The following PHACTR1 variants were observed in gnomAD, a reference collection of about 807,000 sequenced individuals.
PHACTR1 encodes RPEL repeat containing 1.
A neutral mutation model predicts 69.2 loss-of-function variants in PHACTR1; 16 were observed. That is an observed-to-expected ratio of 0.23 (90% CI 0.16 to 0.35). The LOEUF is 0.35. Ranked by LOEUF, PHACTR1 falls within the 10% of genes least tolerant of loss-of-function variation. The probability of loss-of-function intolerance (pLI) is 1.00; values close to 1 mark genes in which losing one functional copy is unlikely to be tolerated. For synonymous variants in PHACTR1, 312 were observed against 284.5 expected (o/e 1.10, Z -0.97); for missense variants, 510 against 734.7 (o/e 0.69, Z 3.54).
intron 5 of PHACTR1, among the ~76,000 whole-genome samples, chr6:13,055,980 A>G (rs1806722994): frequency 6.6e-6 from 1 of 152,220 alleles, no homozygotes; most frequent in Non-Finnish European, 1.5e-5. Flanking sequence ...TGAATGTGAT[A>G]TTTGTATGCA....
chr6:13,047,802 G>C (rs1182818364), intron 4 of PHACTR1, among the ~76,000 whole-genome samples: 6 of 151,928 alleles, frequency 3.9e-5, no homozygotes, highest in East Asian at 3.9e-4. Context: ...CCAGCAGAAA[G>C]CCAAGGTGAT....
intron 7 of PHACTR1, among the ~76,000 whole-genome samples, chr6:13,197,000 A>C (rs975627075): frequency 2.6e-5 from 4 of 152,138 alleles, no homozygotes; most frequent in Admixed American, 2.6e-4. Flanking sequence ...AAGCATCAGG[A>C]TAGGTGGATT....
At position 13,179,468 on chromosome 6, in the gene PHACTR1, T is replaced by C. The variant is rs1394060772; in HGVS notation, c.497-3051T>C. On this transcript the variant is annotated intron_variant, in intron 6 of 14. Coordinates refer to ENST00000332995, the MANE Select transcript of PHACTR1 (RefSeq NM_030948.6). The surrounding 1 kb of genome is among the most constrained non-coding windows in gnomAD (Gnocchi z 4.2). ...TGTTTAAAAATGTCATAATAAAAAA[T>C]TTAAAATATTACTTAAAAGTGGCAG... Among the ~76,000 whole-genome samples the C allele has an allele frequency of 6.7e-6, 1 of 149,494 alleles. No homozygotes were observed. Among genetic ancestry groups the C allele is most frequent in the Non-Finnish European group, 1.5e-5 (1 of 67,422 alleles).
chr6:13,162,032 T>C (rs1759092744), intron 6 of PHACTR1, among the ~76,000 whole-genome samples: 1 of 152,168 alleles, frequency 6.6e-6, no homozygotes, highest in Non-Finnish European at 1.5e-5. Context: ...AAAGAATCCA[T>C]ACTTTTCTTG....
intron 5 of PHACTR1, among the ~76,000 whole-genome samples, chr6:13,106,461 T>C (rs1002507970): frequency 6.6e-6 from 1 of 152,140 alleles, no homozygotes; most frequent in Non-Finnish European, 1.5e-5. Context: ...TATTTGCAGG[T>C]GCCCTTTGTT....
At chr6:12,740,095 T>C in intron 3 of PHACTR1, among the ~76,000 whole-genome samples, 1 of 152,238 alleles carries the variant, frequency 6.6e-6, no homozygotes, top group East Asian at 1.9e-4. Context: ...TATGTAGTCT[T>C]TCAGGGCTGG....
chr6:13,045,814 C>T (rs1583110923), intron 4 of PHACTR1, among the ~76,000 whole-genome samples: 1 of 152,210 alleles, frequency 6.6e-6, no homozygotes, highest in South Asian at 2.1e-4. Context: ...TGAAAGCATC[C>T]CTAGGAACTT....
Position 12,889,742 on chromosome 6 carries a change from T to TTTC in PHACTR1, c.250+139971_250+139973dup, listed in dbSNP as rs766006556. Among the ~76,000 whole-genome samples, 302 of 145,242 alleles carry TTTC rather than the reference T, an allele frequency of 2.1e-3. 1 individual carries two copies. Among genetic ancestry groups the TTTC allele is most frequent in the African/African-American group, 6.6e-3 (263 of 39,638 alleles). ...GGTTCAATTTTCTTCTTCTTTCTTCTTTCTTCTTCTTCTTCTTCTTCCTCT... is the reference window on the plus strand; with the variant it reads ...GGTTCAATTTTCTTCTTCTTTCTTCTTTCTTCTTCTTCTTCTTCTTCTTCCTCT... On this transcript the variant is annotated intron_variant, in intron 4 of 14. Transcript: ENST00000332995.
intron 4 of PHACTR1, among the ~76,000 whole-genome samples, chr6:12,846,244 T>G (rs1023193255): frequency 6.6e-6 from 1 of 152,188 alleles, no homozygotes; most frequent in African/African-American, 2.4e-5. Context: ...CGTTTGTCAA[T>G]AGTTATCAAT....
intron 4 of PHACTR1, among the ~76,000 whole-genome samples, chr6:12,809,499 A>G (rs1178342610): frequency 1.3e-5 from 2 of 152,202 alleles, no homozygotes; most frequent in African/African-American, 4.8e-5. Context: ...GAGAGATGAA[A>G]CCTATTTATC....
At chr6:13,165,474 C>T (rs1006897843) in intron 6 of PHACTR1, among the ~76,000 whole-genome samples, 10 of 152,148 alleles carry the variant, frequency 6.6e-5, no homozygotes, top group Non-Finnish European at 1.2e-4. Flanking sequence ...GGAGTTGCCT[C>T]GGTATGGAGC....
intron 4 of PHACTR1, among the ~76,000 whole-genome samples, chr6:12,903,329 G>A (rs1399653579): frequency 5.9e-5 from 9 of 152,218 alleles, no homozygotes; most frequent in Admixed American, 5.2e-4. Context: ...TCAAGTAGGA[G>A]CCAAGAAGTG....
intron 4 of PHACTR1, among the ~76,000 whole-genome samples, chr6:13,012,046 C>T (rs535357320): frequency 6.6e-6 from 1 of 152,308 alleles, no homozygotes; most frequent in South Asian, 2.1e-4. Flanking sequence ...CTGAAGCCCT[C>T]AATGGGTACC....
At chr6:13,262,638 G>A (rs1776068609) in intron 10 of PHACTR1, among the ~76,000 whole-genome samples, 1 of 152,172 alleles carries the variant, frequency 6.6e-6, no homozygotes, top group Non-Finnish European at 1.5e-5. Context: ...GAACTCATAG[G>A]TTCTCAGGAG....
chr6:12,927,006 G>A (rs1438543111), intron 4 of PHACTR1, among the ~76,000 whole-genome samples: 1 of 152,200 alleles, frequency 6.6e-6, no homozygotes, highest in African/African-American at 2.4e-5. Context: ...ATCCAGCTCA[G>A]ATGTCACCTT....
In PHACTR1 at chr6:13,160,208, G is replaced by A. The variant is rs1050669019; in HGVS notation, c.420G>A (p.Leu140=). 7 of 1,613,330 alleles carry A rather than the reference G, an allele frequency of 4.3e-6. No homozygotes were observed. The highest frequency in any genetic ancestry group is 3.4e-6 in the Non-Finnish European group (4 of 1,179,570). Residue 140 remains leucine (L), a synonymous_variant, in exon 6 of 15, where the codon CTG becomes CTA. Transcript: ENST00000332995. ...SEKFKHTSAA[L]ERKISMRQSR... is the part of the protein sequence containing the mutation. ...CTGTTTGTCTTTTGTTTGTAGCCCTGGAAAGGAAAATATCTATGAGGCAAA... is the reference window on the plus strand; with the variant it reads ...CTGTTTGTCTTTTGTTTGTAGCCCTAGAAAGGAAAATATCTATGAGGCAAA...
intron 4 of PHACTR1, among the ~76,000 whole-genome samples, chr6:12,838,668 C>G (rs1778401326): frequency 6.6e-6 from 1 of 152,122 alleles, no homozygotes; most frequent in South Asian, 2.1e-4. Context: ...ATGATTGCAA[C>G]TCTAAATCAA....
In PHACTR1 at chr6:12,978,697, AC is replaced by A. The variant is rs1795171099; in HGVS notation, c.251-74667del. On this transcript the variant is annotated intron_variant, in intron 4 of 14. Transcript: ENST00000332995. ...ATTTGTATTTGCAGTGCCTGCTAGG[AC>A]GGTGTTGGCTCATAGTTGATGACAC... Among the ~76,000 whole-genome samples the A allele has an allele frequency of 2.6e-5, 4 of 152,330 alleles. No individual in the cohort carries two copies. In the East Asian group the frequency reaches 7.7e-4, roughly 29 times the overall value.
intron 8 of PHACTR1, among the ~76,000 whole-genome samples, chr6:13,213,507 T>C (rs945622771): frequency 6.6e-6 from 1 of 152,210 alleles, no homozygotes; most frequent in African/African-American, 2.4e-5. Flanking sequence ...CTCTCTTTAA[T>C]GTGGATGGGA....
Sources: allele counts gnomAD v4.1 joint callset (sites outside exome capture counted in the v4.1 genomes callset), GRCh38; gene constraint gnomAD v4.1.1; non-coding constraint Gnocchi (gnomAD v3.1); transcripts MANE v1.5; gene names NCBI Gene and HGNC (gene_info 2026-07-23, HGNC 2026-07-21).